Variants in PRKN observed in about 807,000 individuals in gnomAD.
The protein encoded by PRKN is parkin RBR E3 ubiquitin protein ligase, also known as E3 ubiquitin-protein ligase parkin.
PRKN carries 56 observed loss-of-function variants against 59.5 expected under a neutral mutation model. The observed-to-expected ratio is 0.94, with a 90% CI of 0.76 to 1.18. The LOEUF is 1.18. PRKN is among the 50% of genes most tolerant of loss of function. The probability of loss-of-function intolerance (pLI) is 0.00; values close to 1 mark genes in which losing one functional copy is unlikely to be tolerated. For missense variants in PRKN, 657 were observed against 596.4 expected, an observed-to-expected ratio of 1.10 and a Z score of -1.06; for synonymous variants, 250 against 222.1, an observed-to-expected ratio of 1.13 and a Z score of -1.12.
At chr6:161,351,708 T>C (rs1320110247) in intron 11 of PRKN, among the ~76,000 whole-genome samples, 1 of 152,168 alleles carries the variant, frequency 6.6e-6, no homozygotes, top group Admixed American at 6.5e-5. Flanking sequence ...AGGAAGTAAT[T>C]AATAATGCTA....
chr6:162,556,360 T>TGTGTGTGTGTGTGTGTGTGC (rs1562381877), intron 1 of PRKN, among the ~76,000 whole-genome samples: 12 of 82,692 alleles, frequency 1.5e-4, no homozygotes, highest in African/African-American at 4.7e-4. Flanking sequence ...TGTGTGTGTG[T>TGTGTGTGTGTGTGTGTGTGC]GTGTGTGTGT....
intron 6 of PRKN, among the ~76,000 whole-genome samples, chr6:161,946,207 C>T (rs1583387655): frequency 6.6e-6 from 1 of 151,986 alleles, no homozygotes; most frequent in Admixed American, 6.6e-5. Flanking sequence ...GAATAAATAG[C>T]GTACTTTGGA....
intron 6 of PRKN, among the ~76,000 whole-genome samples, chr6:161,882,306 A>C (rs1266187921): frequency 6.6e-6 from 1 of 152,204 alleles, no homozygotes; most frequent in Non-Finnish European, 1.5e-5. Flanking sequence ...ATGTCAAAGC[A>C]GTAAACACTT....
Position 161,359,921 on chromosome 6 carries a change from T to C in PRKN, c.1285+167A>G, listed in dbSNP as rs1784909016. ...TACTCACTCATTAAATATTTCTGTGTAACAAAAACAATAATAATAGTGATA... is the reference window on the plus strand; with the variant it reads ...TACTCACTCATTAAATATTTCTGTGCAACAAAAACAATAATAATAGTGATA... On this transcript the variant is annotated intron_variant, in intron 11 of 11. Coordinates refer to ENST00000366898, the MANE Select transcript of PRKN (RefSeq NM_004562.3). The surrounding 1 kb of genome is among the most constrained non-coding windows in gnomAD (Gnocchi z 5.4). Among the ~76,000 whole-genome samples the C allele has an allele frequency of 6.6e-6, 1 of 152,174 alleles. No homozygotes were observed. Among genetic ancestry groups the C allele is most frequent in the African/African-American group, 2.4e-5 (1 of 41,430 alleles).
intron 7 of PRKN, among the ~76,000 whole-genome samples, chr6:161,596,390 T>G (rs953647443): frequency 2.0e-5 from 3 of 152,192 alleles, no homozygotes; most frequent in Non-Finnish European, 4.4e-5. Context: ...ATTTGGAAGA[T>G]TTCTATCTTT....
At chr6:161,904,444 T>A (rs1778062275) in intron 6 of PRKN, among the ~76,000 whole-genome samples, 1 of 150,562 alleles carries the variant, frequency 6.6e-6, no homozygotes, top group Admixed American at 6.7e-5. Context: ...GCCTCCCGAG[T>A]AGCTGGGACC....
In PRKN at chr6:161,566,219, C is replaced by G. The variant is rs73593466; in HGVS notation, c.933+3136G>C. ...ACCTCTCACATGAATCCATTCGAGG[C>G]AGGCTTTCCCCTCACTGCCCATGGT... is the stretch of plus-strand genomic sequence containing the variant. On this transcript the variant is annotated intron_variant, in intron 8 of 11. Transcript: ENST00000366898. The surrounding 1 kb of genome is among the most constrained non-coding windows in gnomAD (Gnocchi z 4.1). 0.073 allele frequency among the ~76,000 whole-genome samples: 11,111 copies of G among 152,206 alleles called. 555 individuals are homozygous for G. Among genetic ancestry groups the G allele is most frequent in the African/African-American group, 0.13 (5,482 of 41,516 alleles).
chr6:162,546,503 G>C (rs1405985810), intron 1 of PRKN, among the ~76,000 whole-genome samples: 1 of 151,532 alleles, frequency 6.6e-6, no homozygotes, highest in Non-Finnish European at 1.5e-5. Context: ...TGACACCCTG[G>C]TGCGATCTCG....
At chr6:162,438,332 G>C (rs1428949382) in intron 2 of PRKN, among the ~76,000 whole-genome samples, 1 of 152,060 alleles carries the variant, frequency 6.6e-6, no homozygotes, top group Admixed American at 6.5e-5. Flanking sequence ...AAACTCAAGA[G>C]GAGAAAAACA....
Position 162,117,442 on chromosome 6 carries a change from A to G in PRKN, c.535-63268T>C, listed in dbSNP as rs80251491. ...GCATCCTGGCCATGTGAACTATAGT[A>G]AAAGTGAAATTGTATGAGACTGCGA... On this transcript the variant is annotated intron_variant, in intron 4 of 11. Transcript: ENST00000366898. Among the ~76,000 whole-genome samples the G allele has an allele frequency of 8.7e-4, 133 of 152,324 alleles. No homozygotes were observed. In the East Asian group the frequency reaches 0.024, roughly 27 times the overall value.
In PRKN at chr6:161,350,167, C is replaced by G. The variant is rs772592654; in HGVS notation, c.1330G>C (p.Glu444Gln). 9 of 1,613,306 alleles carry G rather than the reference C, an allele frequency of 5.6e-6. No homozygotes were observed. The highest frequency in any genetic ancestry group is 7.6e-6 in the Non-Finnish European group (9 of 1,179,932). Residue 444 changes from glutamate (E) to glutamine (Q), a missense_variant, in exon 12 of 12, where the codon GAG becomes CAG. Coordinates refer to ENST00000366898, the MANE Select transcript of PRKN (RefSeq NM_004562.3). ...MKCPQPQCRLEWCWNCGCEWN... is the reference protein window; with the variant it reads ...MKCPQPQCRLQWCWNCGCEWN... ...TCGCAGCCACAGTTCCAGCACCACT[C>G]GAGCCTGCACTGGGGCTGCGGACAC...
chr6:162,172,635 A>G (rs1783340883), intron 4 of PRKN, among the ~76,000 whole-genome samples: 1 of 152,166 alleles, frequency 6.6e-6, no homozygotes, highest in South Asian at 2.1e-4. Flanking sequence ...TAATACAGAG[A>G]CCAATGCCTG....
chr6:161,934,960 AG>A (rs145336325), intron 6 of PRKN, among the ~76,000 whole-genome samples: 1 of 152,194 alleles, frequency 6.6e-6, no homozygotes, highest in Non-Finnish European at 1.5e-5. Context: ...AGAAATAATT[AG>A]GTCTGTCTAA....
intron 6 of PRKN, among the ~76,000 whole-genome samples, chr6:161,869,922 A>C (rs973951085): frequency 1.3e-5 from 2 of 152,178 alleles, no homozygotes; most frequent in African/African-American, 4.8e-5. Flanking sequence ...GGTTTAATTC[A>C]GCTGATGGGT....
At chr6:161,847,075 C>T (rs985716419) in intron 6 of PRKN, among the ~76,000 whole-genome samples, 8 of 152,062 alleles carry the variant, frequency 5.3e-5, no homozygotes, top group Non-Finnish European at 8.8e-5. Flanking sequence ...TGTGGGAGGC[C>T]GGGGTGGGCA....
At chr6:161,664,951 G>T (rs1784675121) in intron 7 of PRKN, among the ~76,000 whole-genome samples, 1 of 151,806 alleles carries the variant, frequency 6.6e-6, no homozygotes. Flanking sequence ...AGCACACCTG[G>T]CTAATTTTGT....
chr6:161,487,983 A>G lies in PRKN; in HGVS notation c.1083+60871T>C, dbSNP rs927952532. 6.6e-6 allele frequency among the ~76,000 whole-genome samples: 1 copy of G among 152,234 alleles called. No individual in the cohort carries two copies. The highest frequency in any genetic ancestry group is 2.4e-5 in the African/African-American group (1 of 41,468). On this transcript the variant is annotated intron_variant, in intron 9 of 11. Coordinates refer to ENST00000366898, the MANE Select transcript of PRKN (RefSeq NM_004562.3). The surrounding 1 kb of genome is among the most constrained non-coding windows in gnomAD (Gnocchi z 5.3). ...TAAAACCAATGAGATTCTCCCATGAAATGGGGTGGAGAGAGGGGAAAGGCA... is the reference window on the plus strand; with the variant it reads ...TAAAACCAATGAGATTCTCCCATGAGATGGGGTGGAGAGAGGGGAAAGGCA...
intron 6 of PRKN, among the ~76,000 whole-genome samples, chr6:161,857,208 G>A (rs1053910107): frequency 5.3e-5 from 8 of 152,184 alleles, no homozygotes; most frequent in Non-Finnish European, 2.9e-5. Flanking sequence ...CAGCCTGGGC[G>A]ACAGAGTGAG....
intron 4 of PRKN, among the ~76,000 whole-genome samples, chr6:162,062,704 G>A (rs1311267042): frequency 6.6e-6 from 1 of 152,130 alleles, no homozygotes; most frequent in African/African-American, 2.4e-5. Flanking sequence ...TGCCAGAAAT[G>A]TGAGAAAATA....
Sources: gnomAD v4.1 joint callset for allele counts (sites outside exome capture counted in the v4.1 genomes callset) on GRCh38, gnomAD v4.1.1 for gene constraint, Gnocchi (gnomAD v3.1) non-coding constraint, MANE v1.5 for transcripts, NCBI Gene and HGNC (gene_info 2026-07-23, HGNC 2026-07-21) for gene names.